The following TBX15 variants were observed in gnomAD, a reference collection of about 807,000 sequenced individuals.
TBX15 encodes the protein T-box transcription factor 15.
A neutral mutation model predicts 53.9 loss-of-function variants in TBX15; 18 were observed. The ratio of observed to expected loss-of-function variants is 0.33; its 90% CI spans 0.23 to 0.49. The LOEUF (loss-of-function observed/expected upper bound fraction) is 0.49, where lower values mean the gene tolerates loss of function less well. TBX15 is among the 20% of genes least tolerant of loss of function. The probability of loss-of-function intolerance (pLI) is 0.98; values close to 1 mark genes in which losing one functional copy is unlikely to be tolerated. For synonymous variants in TBX15, 295 were observed against 278.0 expected (o/e 1.06, Z -0.61); for missense variants, 692 against 749.5 (o/e 0.92, Z 0.90).
At chr1:118,981,294 T>G (rs2101053897) in intron 1 of TBX15, among the ~76,000 whole-genome samples, 1 of 134,252 alleles carries the variant, frequency 7.4e-6, no homozygotes, top group African/African-American at 2.8e-5. Flanking sequence ...CCCAATTTGT[T>G]AAACTAGCTA....
chr1:118,885,540 A>AT lies in TBX15; in HGVS notation c.1025-25dup, dbSNP rs1205169025. 7.1e-6 allele frequency: 11 copies of AT among 1,555,790 alleles called. No homozygotes were observed. The East Asian group carries it at 2.7e-4, about 38-fold the overall frequency. ...TCCTGAAAAATAAAACGTGAATACT[A>AT]TTGAGACAGAGTCTTTTAAGATGAG... On this transcript the variant is annotated intron_variant, in intron 7 of 7. Transcript: ENST00000369429.
chr1:118,913,554 T>C (rs1655093191), intron 6 of TBX15, among the ~76,000 whole-genome samples: 2 of 152,178 alleles, frequency 1.3e-5, no homozygotes, highest in African/African-American at 2.4e-5. Context: ...AGATTCACTA[T>C]ATAATAACCT....
intron 1 of TBX15, 141 bp downstream of exon 1, chr1:118,987,450 A>C: frequency 9.2e-7 from 1 of 1,082,248 alleles, no homozygotes; most frequent in Non-Finnish European, 1.3e-6. Context: ...GGCTCAGGGC[A>C]TTTGCGCGAA....
intron 6 of TBX15, among the ~76,000 whole-genome samples, chr1:118,905,022 A>C (rs779082885): frequency 6.6e-6 from 1 of 152,234 alleles, no homozygotes; most frequent in Non-Finnish European, 1.5e-5. Flanking sequence ...TGTATCAAAA[A>C]AAGAGAGAAA....
chr1:118,890,439 G>T lies in TBX15; in HGVS notation c.1025-4923C>A, dbSNP rs538641823. On this transcript the variant is annotated intron_variant, in intron 7 of 7. Coordinates refer to ENST00000369429, the MANE Select transcript of TBX15 (RefSeq NM_001330677.2). ...AACTTTCAGGAGTTCTGTAGCATCTGTAGGATCTGTAGGATCAATCTCCTA... is the reference window on the plus strand; with the variant it reads ...AACTTTCAGGAGTTCTGTAGCATCTTTAGGATCTGTAGGATCAATCTCCTA... 1.7e-4 allele frequency among the ~76,000 whole-genome samples: 26 copies of T among 152,226 alleles called. No individual in the cohort carries two copies. The South Asian group carries it at 5.2e-3, about 30-fold the overall frequency.
At position 118,988,147 on chromosome 1, in the gene TBX15, T is replaced by G; in HGVS notation, c.-352A>C. The G allele has an allele frequency of 4.4e-6, 1 of 228,954 alleles. No homozygotes were observed. The highest frequency in any genetic ancestry group is 7.7e-6 in the Non-Finnish European group (1 of 130,190). The allele number at this position is 228,954 out of a possible 1,614,324, so 14.2% of individuals were successfully genotyped here. A position where few individuals can be genotyped will look rare whatever the true frequency, so the allele number is the denominator to read the frequency against. On this transcript the variant is annotated 5_prime_UTR_variant, in exon 1 of 8. Coordinates refer to ENST00000369429, the MANE Select transcript of TBX15 (RefSeq NM_001330677.2). ...TTTTTGTTATTATTATTATTCTCTC[T>G]CCTCTCTCTCTCTCTCTCTCTCTCC...
chr1:118,893,580 AAG>A (rs1298035156), intron 7 of TBX15, among the ~76,000 whole-genome samples: 2 of 139,590 alleles, frequency 1.4e-5, no homozygotes, highest in Non-Finnish European at 3.0e-5. Context: ...GAAGGAAAGA[AAG>A]AAAGGAAGGA....
intron 1 of TBX15, among the ~76,000 whole-genome samples, chr1:118,973,540 T>TA (rs546894812): frequency 4.7e-4 from 71 of 152,022 alleles, no homozygotes; most frequent in African/African-American, 1.6e-3. Flanking sequence ...ACTGCCCTTA[T>TA]AATAAAGCAG....
intron 1 of TBX15, among the ~76,000 whole-genome samples, chr1:118,934,176 G>T (rs908147020): frequency 6.6e-6 from 1 of 152,054 alleles, no homozygotes; most frequent in African/African-American, 2.4e-5. Context: ...TTAACCACAG[G>T]GGGGGCCTAG....
intron 1 of TBX15, among the ~76,000 whole-genome samples, chr1:118,944,297 G>A (rs1226394999): frequency 1.3e-5 from 2 of 152,182 alleles, no homozygotes; most frequent in Non-Finnish European, 2.9e-5. Flanking sequence ...AGGGTGGGGT[G>A]AGGTAAGGAA....
intron 1 of TBX15, among the ~76,000 whole-genome samples, chr1:118,957,310 G>T (rs987300708): frequency 5.9e-5 from 9 of 152,140 alleles, no homozygotes; most frequent in African/African-American, 2.2e-4. Flanking sequence ...TTGACTTAGA[G>T]TAATGCCTTG....
chr1:118,987,901 C>T lies in TBX15; in HGVS notation c.-106G>A, dbSNP rs1454156092. ...GGGCCCGGCCCGGGAGAGGCGGAGGCGCGTCGGACGAGGCTGAGACTGCGG... is the reference window on the plus strand; with the variant it reads ...GGGCCCGGCCCGGGAGAGGCGGAGGTGCGTCGGACGAGGCTGAGACTGCGG... On this transcript the variant is annotated 5_prime_UTR_variant, in exon 1 of 8. Transcript: ENST00000369429. The T allele has an allele frequency of 7.9e-6, 11 of 1,400,212 alleles. No homozygotes were observed. Among genetic ancestry groups the T allele is most frequent in the Admixed American group, 4.3e-5 (2 of 46,900 alleles). The allele number at this position is 1,400,212 out of a possible 1,614,324, so 86.7% of individuals were successfully genotyped here. A position where few individuals can be genotyped will look rare whatever the true frequency, so the allele number is the denominator to read the frequency against.
At chr1:118,950,967 G>A (rs1656495351) in intron 1 of TBX15, among the ~76,000 whole-genome samples, 1 of 152,092 alleles carries the variant, frequency 6.6e-6, no homozygotes, top group African/African-American at 2.4e-5. Flanking sequence ...AAAAGACACT[G>A]GCATCTACTG....
chr1:118,938,187 A>G (rs1389333427), intron 1 of TBX15, among the ~76,000 whole-genome samples: 1 of 152,202 alleles, frequency 6.6e-6, no homozygotes, highest in Non-Finnish European at 1.5e-5. Flanking sequence ...TAAAATTATG[A>G]TGATAGCAAA....
rs1262469251 is a variant in TBX15 at position 118,988,292 on chromosome 1, A to T, written c.-497T>A. 4 of 155,480 alleles carry T rather than the reference A, an allele frequency of 2.6e-5. No homozygotes were observed. The highest frequency in any genetic ancestry group is 9.7e-5 in the African/African-American group (4 of 41,364). 9.6% of individuals were successfully genotyped at this position (155,480 alleles called of 1,614,324 possible). ...CGCTAAATTCCTCCCTTCCCGAGGA[A>T]CAGGGGGCAGGCGGTGCGCTCCTGT... On this transcript the variant is annotated 5_prime_UTR_variant, in exon 1 of 8. Transcript: ENST00000369429.
chr1:118,894,964 A>T (rs1654371921), intron 7 of TBX15, among the ~76,000 whole-genome samples: 1 of 152,200 alleles, frequency 6.6e-6, no homozygotes, highest in African/African-American at 2.4e-5. Flanking sequence ...ACGTATGGGC[A>T]TTATTCCTCA....
intron 3 of TBX15, 136 bp from the exon 4 acceptor site, chr1:118,924,953 CAG>C (rs1655545547): frequency 8.6e-6 from 8 of 935,370 alleles, no homozygotes; most frequent in Middle Eastern, 2.9e-4. Flanking sequence ...GGGAAAGAAA[CAG>C]AGACTCAAAG....
At chr1:118,977,382 TATC>T (rs1404060349) in intron 1 of TBX15, among the ~76,000 whole-genome samples, 1 of 152,188 alleles carries the variant, frequency 6.6e-6, no homozygotes, top group Non-Finnish European at 1.5e-5. Flanking sequence ...CTTATCGTGT[TATC>T]ATTATTATAG....
intron 1 of TBX15, among the ~76,000 whole-genome samples, chr1:118,932,849 A>G (rs1249721955): frequency 1.3e-5 from 2 of 152,196 alleles, no homozygotes; most frequent in African/African-American, 4.8e-5. Flanking sequence ...TATCTAGTAT[A>G]ATTTTCTTAG....
Sources: gnomAD v4.1 joint callset for allele counts (sites outside exome capture counted in the v4.1 genomes callset) on GRCh38, gnomAD v4.1.1 for gene constraint, MANE v1.5 for transcripts, NCBI Gene and HGNC (gene_info 2026-07-23, HGNC 2026-07-21) for gene names.